The following TMEM158 variants were observed in gnomAD, a reference collection of about 807,000 sequenced individuals.
TMEM158 encodes the protein transmembrane protein 158.
In TMEM158, 7 loss-of-function variants were observed where a neutral mutation model predicts 12.0. The ratio of observed to expected loss-of-function variants is 0.59; its 90% CI spans 0.33 to 1.10. TMEM158 has a LOEUF of 1.10. Ranked by LOEUF, TMEM158 falls within the 50% of genes least tolerant of loss-of-function variation. The pLI is 0.03. For missense variants in TMEM158, 405 were observed against 454.7 expected, an observed-to-expected ratio of 0.89 and a Z score of 0.99; for synonymous variants, 209 against 231.1, an observed-to-expected ratio of 0.90 and a Z score of 0.87.
Position 45,225,905 on chromosome 3 carries a change from G to A in TMEM158, c.123C>T (p.Ser41=), listed in dbSNP as rs1269357266. The change falls in exon 1 of 1, where the codon TCC becomes TCT. Residue 41 remains serine, a synonymous_variant. Coordinates refer to ENST00000503771, the MANE Select transcript of TMEM158 (RefSeq NM_015444.3). This position sits in a 1 kb window ranked among gnomAD's most constrained non-coding sequence, Gnocchi z 5.7. ...VPSNASVNAS[S]ADEPIAPRLL... is the part of the protein sequence containing the mutation. ...GCCGCGGGGCGATGGGCTCGTCCGCGGAGGACGCGTTGACTGAAGCATTGG... is the reference window on the plus strand; with the variant it reads ...GCCGCGGGGCGATGGGCTCGTCCGCAGAGGACGCGTTGACTGAAGCATTGG... The A allele has an allele frequency of 5.0e-6, 6 of 1,197,680 alleles. No homozygotes were observed. In the East Asian group the frequency reaches 2.2e-4, roughly 43 times the overall value. 74.2% of individuals were successfully genotyped at this position (1,197,680 alleles called of 1,614,324 possible). A position where few individuals can be genotyped will look rare whatever the true frequency, so the allele number is the denominator to read the frequency against.
Position 45,225,643 on chromosome 3 carries a change from G to A in TMEM158, c.385C>T (p.Leu129=). The A allele has an allele frequency of 3.5e-6, 5 of 1,429,682 alleles. No individual in the cohort carries two copies. Among genetic ancestry groups the A allele is most frequent in the Non-Finnish European group, 4.6e-6 (5 of 1,087,684 alleles). 88.6% of individuals were successfully genotyped at this position (1,429,682 alleles called of 1,614,324 possible). A position where few individuals can be genotyped will look rare whatever the true frequency, so the allele number is the denominator to read the frequency against. ...RVGPPLLIEH[L]GLAAGGAQQD... ...TGCGCGCCGCCCGCCGCCAGCCCCA[G>A]GTGCTCGATGAGCAGCGGCGGCCCG... The change falls in exon 1 of 1, where the codon CTG becomes TTG. Residue 129 remains leucine (L), a synonymous_variant. Transcript: ENST00000503771. The surrounding 1 kb of genome is among the most constrained non-coding windows in gnomAD (Gnocchi z 5.7).
chr3:45,224,915 C>A lies in TMEM158; in HGVS notation c.*210G>T. 1 of 838,176 alleles carries A rather than the reference C, an allele frequency of 1.2e-6. No individual in the cohort carries two copies. The highest frequency in any genetic ancestry group is 1.6e-6 in the Non-Finnish European group (1 of 641,782). The allele number at this position is 838,176 out of a possible 1,614,324, so 51.9% of individuals were successfully genotyped here. A position where few individuals can be genotyped will look rare whatever the true frequency, so the allele number is the denominator to read the frequency against. Reference sequence around the variant, plus strand: ...CTCCGTCTTCGGAGCTGCGATCCCACCCTCAGTCCAAGGGCTTAAACATCT... The same window carrying A: ...CTCCGTCTTCGGAGCTGCGATCCCAACCTCAGTCCAAGGGCTTAAACATCT... On this transcript the variant is annotated 3_prime_UTR_variant, in exon 1 of 1. Transcript: ENST00000503771.
chr3:45,225,817 C>T lies in TMEM158; in HGVS notation c.211G>A (p.Ala71Thr), dbSNP rs1284829421. 4.5e-6 allele frequency: 6 copies of T among 1,320,910 alleles called. No homozygotes were observed. The Admixed American group carries it at 2.0e-4, about 44-fold the overall frequency. 81.8% of individuals were successfully genotyped at this position (1,320,910 alleles called of 1,614,324 possible). Residue 71 changes from alanine to threonine, a missense_variant, in exon 1 of 1, where the codon GCG becomes ACG. Coordinates refer to ENST00000503771, the MANE Select transcript of TMEM158 (RefSeq NM_015444.3). This position sits in a 1 kb window ranked among gnomAD's most constrained non-coding sequence, Gnocchi z 5.7. ...RPGPEEAAAA[A>T]APCNISVQRQ... ...TGCACGCTGATGTTGCACGGCGCCG[C>T]CGCCGCCGCCGCCTCCTCCGGGCCC...
In TMEM158 at chr3:45,224,616, T is replaced by C. The variant is rs1287160523; in HGVS notation, c.*509A>G. On this transcript the variant is annotated 3_prime_UTR_variant, in exon 1 of 1. Transcript: ENST00000503771. ...ATATATCGGTGTTAAATCCTTCCCA[T>C]GCCCTCCCCCCAATTTTAAATAAAT... The C allele has an allele frequency of 6.5e-6, 1 of 152,842 alleles. No homozygotes were observed. The highest frequency in any genetic ancestry group is 1.9e-4 in the East Asian group (1 of 5,216). The allele number at this position is 152,842 out of a possible 1,614,324, so 9.5% of individuals were successfully genotyped here.
At position 45,226,208 on chromosome 3, in the gene TMEM158, G is replaced by C; in HGVS notation, c.-181C>G. 1 of 808,380 alleles carries C rather than the reference G, an allele frequency of 1.2e-6. No individual in the cohort carries two copies. 50.1% of individuals were successfully genotyped at this position (808,380 alleles called of 1,614,324 possible). A position where few individuals can be genotyped will look rare whatever the true frequency, so the allele number is the denominator to read the frequency against. On this transcript the variant is annotated 5_prime_UTR_variant, in exon 1 of 1. Coordinates refer to ENST00000503771, the MANE Select transcript of TMEM158 (RefSeq NM_015444.3). ...GCGGTGACGGCGGCTGGCTCGGCGC[G>C]GGGATCCCTCCAGACCCGGTTGCGT... is the stretch of plus-strand genomic sequence containing the variant.
Position 45,225,347 on chromosome 3 carries a change from G to A in TMEM158, c.681C>T (p.Cys227=), listed in dbSNP as rs1700146258. ...ACACCACGATGACCAGGGTCATGAA[G>A]CAGGCCACCAGCGTGGACTCAATGG... The part of the protein sequence containing the change: ...RKPIESTLVA[C]FMTLVIVVWS... Residue 227 remains cysteine (C), a synonymous_variant, in exon 1 of 1, where the codon TGC becomes TGT. Coordinates refer to ENST00000503771, the MANE Select transcript of TMEM158 (RefSeq NM_015444.3). The surrounding 1 kb of genome is among the most constrained non-coding windows in gnomAD (Gnocchi z 5.7). 1.3e-6 allele frequency: 2 copies of A among 1,527,782 alleles called. No homozygotes were observed. The highest frequency in any genetic ancestry group is 1.8e-6 in the Non-Finnish European group (2 of 1,135,352). 94.6% of individuals were successfully genotyped at this position (1,527,782 alleles called of 1,614,324 possible).
Position 45,226,081 on chromosome 3 carries a change from G to A in TMEM158, c.-54C>T. ...GGCCGGCGGCGGTTGCATGGCGAGCGGGCGACGGGCCGGCGAGCTCACGGT... is the reference window on the plus strand; with the variant it reads ...GGCCGGCGGCGGTTGCATGGCGAGCAGGCGACGGGCCGGCGAGCTCACGGT... On this transcript the variant is annotated 5_prime_UTR_variant, in exon 1 of 1. Coordinates refer to ENST00000503771, the MANE Select transcript of TMEM158 (RefSeq NM_015444.3). 6.1e-6 allele frequency: 6 copies of A among 982,260 alleles called. No individual in the cohort carries two copies. Among genetic ancestry groups the A allele is most frequent in the Non-Finnish European group, 7.2e-6 (6 of 829,212 alleles). The allele number at this position is 982,260 out of a possible 1,614,324, so 60.8% of individuals were successfully genotyped here.
In TMEM158 at chr3:45,226,073, TGGCGAGCGGGCGACGGGCC is replaced by T. The variant is rs1700157012; in HGVS notation, c.-65_-47del. The stretch of plus-strand genomic sequence containing the variant: ...GCGCGCGAGGCCGGCGGCGGTTGCA[TGGCGAGCGGGCGACGGGCC>T]GGCGAGCTCACGGTGGGACCGCGGG... On this transcript the variant is annotated 5_prime_UTR_variant, in exon 1 of 1. Transcript: ENST00000503771. 5 of 982,120 alleles carry T rather than the reference TGGCGAGCGGGCGACGGGCC, an allele frequency of 5.1e-6. No homozygotes were observed. The African/African-American group carries it at 8.9e-5, about 17-fold the overall frequency. 60.8% of individuals were successfully genotyped at this position (982,120 alleles called of 1,614,324 possible).
Position 45,225,738 on chromosome 3 carries a change from T to C in TMEM158, c.290A>G (p.Gln97Arg). The change falls in exon 1 of 1, where the codon CAG becomes CGG. Residue 97 changes from glutamine (Q) to arginine (R), a missense_variant. Coordinates refer to ENST00000503771, the MANE Select transcript of TMEM158 (RefSeq NM_015444.3). This position sits in a 1 kb window ranked among gnomAD's most constrained non-coding sequence, Gnocchi z 5.7. ...GGTGGAGAAGAGCAGTAGGTCGCAC[T>C]GGAAGCCCCGCGGGCGGCCCCAGCG... ...LVRWGRPRGF[Q>R]CDLLLFSTNA... 6.9e-7 allele frequency: 1 copy of C among 1,452,094 alleles called. No homozygotes were observed. The highest frequency in any genetic ancestry group is 9.1e-7 in the Non-Finnish European group (1 of 1,098,674). 90.0% of individuals were successfully genotyped at this position (1,452,094 alleles called of 1,614,324 possible).
chr3:45,225,076 G>A lies in TMEM158; in HGVS notation c.*49C>T, dbSNP rs1251622262. 5.7e-6 allele frequency: 7 copies of A among 1,228,092 alleles called. No individual in the cohort carries two copies. The highest frequency in any genetic ancestry group is 3.2e-4 in the Middle Eastern group (1 of 3,156). 76.1% of individuals were successfully genotyped at this position (1,228,092 alleles called of 1,614,324 possible). ...ACCGGCCGAGTCTCCGGCGGGAAAG[G>A]CACCCGCGCGCGCGGACACAGGACG... On this transcript the variant is annotated 3_prime_UTR_variant, in exon 1 of 1. Coordinates refer to ENST00000503771, the MANE Select transcript of TMEM158 (RefSeq NM_015444.3). The surrounding 1 kb of genome is among the most constrained non-coding windows in gnomAD (Gnocchi z 5.7).
In TMEM158 at chr3:45,225,609, A is replaced by G; in HGVS notation, c.419T>C (p.Leu140Pro). Reference sequence around the variant, plus strand: ...CCAGCCGCAGCCCACGCAGAGGCGCAGGTCCTGCTGCGCGCCGCCCGCCGC... The same window carrying G: ...CCAGCCGCAGCCCACGCAGAGGCGCGGGTCCTGCTGCGCGCCGCCCGCCGC... ...GLAAGGAQQD[L>P]RLCVGCGWVR... The change falls in exon 1 of 1, where the codon CTG (leucine) becomes CCG (proline). Residue 140 changes from leucine (L) to proline (P), a missense_variant. Coordinates refer to ENST00000503771, the MANE Select transcript of TMEM158 (RefSeq NM_015444.3). This position sits in a 1 kb window ranked among gnomAD's most constrained non-coding sequence, Gnocchi z 5.7. 2 of 1,348,942 alleles carry G rather than the reference A, an allele frequency of 1.5e-6. No individual in the cohort carries two copies. Among genetic ancestry groups the G allele is most frequent in the South Asian group, 1.5e-5 (1 of 64,748 alleles). 83.6% of individuals were successfully genotyped at this position (1,348,942 alleles called of 1,614,324 possible).
rs1243587562 is a variant in TMEM158, at chr3:45,225,088, G to GCGGACACAGGA, written c.*26_*36dup. On this transcript the variant is annotated 3_prime_UTR_variant, in exon 1 of 1. Coordinates refer to ENST00000503771, the MANE Select transcript of TMEM158 (RefSeq NM_015444.3). The surrounding 1 kb of genome is among the most constrained non-coding windows in gnomAD (Gnocchi z 5.7). Reference sequence around the variant, plus strand: ...TCCGGCGGGAAAGGCACCCGCGCGCGCGGACACAGGACGGACACAGGGAGG... The same window carrying GCGGACACAGGA: ...TCCGGCGGGAAAGGCACCCGCGCGCGCGGACACAGGACGGACACAGGACGGACACAGGGAGG... 2 of 1,229,868 alleles carry GCGGACACAGGA rather than the reference G, an allele frequency of 1.6e-6. No individual in the cohort carries two copies. The highest frequency in any genetic ancestry group is 2.0e-6 in the Non-Finnish European group (2 of 987,524). 76.2% of individuals were successfully genotyped at this position (1,229,868 alleles called of 1,614,324 possible). A position where few individuals can be genotyped will look rare whatever the true frequency, so the allele number is the denominator to read the frequency against.
In TMEM158 at chr3:45,226,251, C is replaced by A; in HGVS notation, c.-224G>T. On this transcript the variant is annotated 5_prime_UTR_variant, in exon 1 of 1. Transcript: ENST00000503771. Reference sequence around the variant, plus strand: ...GGTTGCGTTTGGGGTTCCCCGCCGCCCCCGGCGCCGGGGCCCTTGGGCTGC... The same window carrying A: ...GGTTGCGTTTGGGGTTCCCCGCCGCACCCGGCGCCGGGGCCCTTGGGCTGC... The A allele has an allele frequency of 2.7e-6, 1 of 375,066 alleles. No homozygotes were observed. Among genetic ancestry groups the A allele is most frequent in the Non-Finnish European group, 3.7e-6 (1 of 273,116 alleles). 23.2% of individuals were successfully genotyped at this position (375,066 alleles called of 1,614,324 possible). A position where few individuals can be genotyped will look rare whatever the true frequency, so the allele number is the denominator to read the frequency against.
At position 45,225,155 on chromosome 3, in the gene TMEM158, C is replaced by T; in HGVS notation, c.873G>A (p.Ala291=). The T allele has an allele frequency of 7.9e-7, 1 of 1,261,988 alleles. No homozygotes were observed. 78.2% of individuals were successfully genotyped at this position (1,261,988 alleles called of 1,614,324 possible). Residue 291 remains alanine, a synonymous_variant, in exon 1 of 1, where the codon GCG becomes GCA. Transcript: ENST00000503771. The surrounding 1 kb of genome is among the most constrained non-coding windows in gnomAD (Gnocchi z 5.7). The part of the protein sequence containing the change: ...AAAAAAAAAA[A]AVTSGVATK ...TGGTCGCCACCCCCGAAGTGACGGC[C>T]GCGGCGGCGGCGGCAGCGGCGGCGG...
chr3:45,225,675 T>A lies in TMEM158; in HGVS notation c.353A>T (p.His118Leu). The A allele has an allele frequency of 6.9e-7, 1 of 1,455,176 alleles. No individual in the cohort carries two copies. The highest frequency in any genetic ancestry group is 9.1e-7 in the Non-Finnish European group (1 of 1,101,402). 90.1% of individuals were successfully genotyped at this position (1,455,176 alleles called of 1,614,324 possible). A position where few individuals can be genotyped will look rare whatever the true frequency, so the allele number is the denominator to read the frequency against. Residue 118 changes from histidine (H) to leucine (L), a missense_variant, in exon 1 of 1, where the codon CAC (histidine) becomes CTC (leucine). By Grantham distance (99) the His-to-Leu change is moderately conservative. Transcript: ENST00000503771. This position sits in a 1 kb window ranked among gnomAD's most constrained non-coding sequence, Gnocchi z 5.7. Reference protein sequence around the residue: ...HGRAFFAAAFHRVGPPLLIEH... With the variant: ...HGRAFFAAAFLRVGPPLLIEH... ...GATGAGCAGCGGCGGCCCGACGCGG[T>A]GGAAGGCGGCGGCGAAGAAAGCGCG...
rs535663156 is a variant in TMEM158 at position 45,226,261 on chromosome 3, G to T, written c.-234C>A. On this transcript the variant is annotated 5_prime_UTR_variant, in exon 1 of 1. Transcript: ENST00000503771. The stretch of plus-strand genomic sequence containing the variant: ...GGGGTTCCCCGCCGCCCCCGGCGCC[G>T]GGGCCCTTGGGCTGCCGCGCTGCTC... The T allele has an allele frequency of 1.7e-4, 47 of 273,968 alleles. No homozygotes were observed. Among genetic ancestry groups the T allele is most frequent in the Middle Eastern group, 1.8e-3 (1 of 570 alleles). The allele number at this position is 273,968 out of a possible 1,614,324, so 17.0% of individuals were successfully genotyped here.
Position 45,226,258 on chromosome 3 carries a change from G to A in TMEM158, c.-231C>T. 1 of 310,946 alleles carries A rather than the reference G, an allele frequency of 3.2e-6. No individual in the cohort carries two copies. Among genetic ancestry groups the A allele is most frequent in the Non-Finnish European group, 4.7e-6 (1 of 214,446 alleles). 19.3% of individuals were successfully genotyped at this position (310,946 alleles called of 1,614,324 possible). A position where few individuals can be genotyped will look rare whatever the true frequency, so the allele number is the denominator to read the frequency against. ...TTTGGGGTTCCCCGCCGCCCCCGGCGCCGGGGCCCTTGGGCTGCCGCGCTG... is the reference window on the plus strand; with the variant it reads ...TTTGGGGTTCCCCGCCGCCCCCGGCACCGGGGCCCTTGGGCTGCCGCGCTG... On this transcript the variant is annotated 5_prime_UTR_variant, in exon 1 of 1. Coordinates refer to ENST00000503771, the MANE Select transcript of TMEM158 (RefSeq NM_015444.3).
In TMEM158 at chr3:45,225,510, G is replaced by A. The variant is rs1178425846; in HGVS notation, c.518C>T (p.Pro173Leu). Reference protein sequence around the residue: ...PSAAAATAGAPTALPAYPAAE... With the variant: ...PSAAAATAGALTALPAYPAAE... ...CGCGGGGTAGGCTGGCAGCGCGGTG[G>A]GCGCCCCGGCGGTGGCGGCGGCGGC... is the stretch of plus-strand genomic sequence containing the variant. The change falls in exon 1 of 1, where the codon CCC becomes CTC. Residue 173 changes from proline (P) to leucine (L), a missense_variant. By Grantham distance (98) the Pro-to-Leu change is moderately conservative. Coordinates refer to ENST00000503771, the MANE Select transcript of TMEM158 (RefSeq NM_015444.3). This position sits in a 1 kb window ranked among gnomAD's most constrained non-coding sequence, Gnocchi z 5.7. The A allele has an allele frequency of 2.6e-6, 3 of 1,155,012 alleles. No homozygotes were observed. Among genetic ancestry groups the A allele is most frequent in the Non-Finnish European group, 3.2e-6 (3 of 933,702 alleles). 71.5% of individuals were successfully genotyped at this position (1,155,012 alleles called of 1,614,324 possible). A position where few individuals can be genotyped will look rare whatever the true frequency, so the allele number is the denominator to read the frequency against.
chr3:45,225,674 G>A lies in TMEM158; in HGVS notation c.354C>T (p.His118=), dbSNP rs1253524478. ...CGATGAGCAGCGGCGGCCCGACGCG[G>A]TGGAAGGCGGCGGCGAAGAAAGCGC... ...HGRAFFAAAF[H]RVGPPLLIEH... Residue 118 remains histidine, a synonymous_variant, in exon 1 of 1, where the codon CAC becomes CAT. Transcript: ENST00000503771. The surrounding 1 kb of genome is among the most constrained non-coding windows in gnomAD (Gnocchi z 5.7). 8 of 1,456,562 alleles carry A rather than the reference G, an allele frequency of 5.5e-6. No homozygotes were observed. The East Asian group carries it at 2.5e-4, about 45-fold the overall frequency. The allele number at this position is 1,456,562 out of a possible 1,614,324, so 90.2% of individuals were successfully genotyped here. A position where few individuals can be genotyped will look rare whatever the true frequency, so the allele number is the denominator to read the frequency against.
Sources: gnomAD v4.1 joint callset for allele counts on GRCh38, gnomAD v4.1.1 for gene constraint, Gnocchi (gnomAD v3.1) non-coding constraint, MANE v1.5 for transcripts, NCBI Gene and HGNC (gene_info 2026-07-23, HGNC 2026-07-21) for gene names.